Variants in APPBP2 observed in about 807,000 individuals in gnomAD.
APPBP2 encodes amyloid beta precursor protein binding protein 2.
In APPBP2, 15 loss-of-function variants were observed where a neutral mutation model predicts 76.0. That is an observed-to-expected ratio of 0.20 (90% CI 0.13 to 0.30). APPBP2 has a LOEUF of 0.30. APPBP2 is among the 10% of genes least tolerant of loss of function. The pLI is 1.00. For synonymous variants in APPBP2, 222 were observed against 242.2 expected (o/e 0.92, Z 0.77); for missense variants, 401 against 687.2 (o/e 0.58, Z 4.66).
chr17:60,480,950 A>T (rs567059255), intron 3 of APPBP2, among the ~76,000 whole-genome samples: 2 of 152,254 alleles, frequency 1.3e-5, no homozygotes, highest in Non-Finnish European at 2.9e-5. Context: ...GTGGTAGTTC[A>T]TTCCATTAAA....
At chr17:60,475,648 TACACAC>T (rs72415327) in intron 4 of APPBP2, among the ~76,000 whole-genome samples, 1,708 of 129,236 alleles carry the variant, frequency 0.013, 17 homozygotes, top group African/African-American at 0.035. Flanking sequence ...CAACTCTTTA[TACACAC>T]ACACACACAC....
chr17:60,466,938 TAGC>T (rs1280541998), intron 4 of APPBP2, among the ~76,000 whole-genome samples: 1 of 152,196 alleles, frequency 6.6e-6, no homozygotes, highest in Non-Finnish European at 1.5e-5. Context: ...TTACCGAAAA[TAGC>T]AGTAGTGTCA....
At chr17:60,462,705 CT>C (rs1366640495) in intron 6 of APPBP2, 6 of 152,162 alleles carry the variant, frequency 3.9e-5, no homozygotes, top group African/African-American at 7.2e-5. Context: ...AATCCCAGCA[CT>C]TTGGGAGGCC....
intron 3 of APPBP2, among the ~76,000 whole-genome samples, chr17:60,483,890 T>G (rs2090651409): frequency 6.6e-6 from 1 of 152,176 alleles, no homozygotes; most frequent in Non-Finnish European, 1.5e-5. Flanking sequence ...TTAATCCATC[T>G]TGAATTAATT....
rs1233004283 is a variant in APPBP2, at chr17:60,446,416, C to G, written c.*1165G>C. On this transcript the variant is annotated 3_prime_UTR_variant, in exon 13 of 13. Coordinates refer to ENST00000083182, the MANE Select transcript of APPBP2 (RefSeq NM_006380.5). ...ATCTTTCCATTTGACTCCTAGATTT[C>G]AAATGAAATGACCTAGTTGTATTAC... is the stretch of plus-strand genomic sequence containing the variant. 6.6e-6 allele frequency: 1 copy of G among 152,164 alleles called. No homozygotes were observed. Among genetic ancestry groups the G allele is most frequent in the African/African-American group, 2.4e-5 (1 of 41,436 alleles). 9.4% of individuals were successfully genotyped at this position (152,164 alleles called of 1,614,324 possible).
At chr17:60,487,935 T>C (rs938087834) in intron 3 of APPBP2, among the ~76,000 whole-genome samples, 1 of 152,252 alleles carries the variant, frequency 6.6e-6, no homozygotes, top group Non-Finnish European at 1.5e-5. Context: ...TTGTTAGTTT[T>C]CCTTGTAACA....
intron 8 of APPBP2, 78 bp downstream of exon 8, chr17:60,461,732 T>G: frequency 9.8e-7 from 1 of 1,020,416 alleles, no homozygotes; most frequent in East Asian, 2.4e-5. Flanking sequence ...ATTTTTAGAG[T>G]GGTTTATACA....
At position 60,525,951 on chromosome 17, in the gene APPBP2, GCCT is replaced by G; in HGVS notation, c.-23_-21del. ...CGCCATCTTCCTTCCCTCCTCCTCC[GCCT>G]CCTCCGCCTCCTCCTCCCGAAGGCC... On this transcript the variant is annotated 5_prime_UTR_variant, in exon 1 of 13. Coordinates refer to ENST00000083182, the MANE Select transcript of APPBP2 (RefSeq NM_006380.5). 2 of 1,558,418 alleles carry G rather than the reference GCCT, an allele frequency of 1.3e-6. No homozygotes were observed. The highest frequency in any genetic ancestry group is 1.7e-6 in the Non-Finnish European group (2 of 1,149,364).
chr17:60,509,357 C>T (rs2090893312), intron 1 of APPBP2, among the ~76,000 whole-genome samples: 2 of 149,606 alleles, frequency 1.3e-5, no homozygotes, highest in South Asian at 4.2e-4. Context: ...CCAACCTGGG[C>T]GACAGAGCGA....
At chr17:60,489,488 G>A (rs1230971238) in intron 3 of APPBP2, among the ~76,000 whole-genome samples, 2 of 150,992 alleles carry the variant, frequency 1.3e-5, no homozygotes, top group Admixed American at 1.3e-4. Flanking sequence ...GCGCATGCCT[G>A]TAGTCCCAGC....
intron 4 of APPBP2, among the ~76,000 whole-genome samples, chr17:60,478,184 T>G (rs1373176275): frequency 6.6e-6 from 1 of 152,156 alleles, no homozygotes; most frequent in African/African-American, 2.4e-5. Flanking sequence ...ATAAAGAATT[T>G]CTGCTGTTTA....
chr17:60,462,339 C>T (rs1018537940), intron 6 of APPBP2: 8 of 303,922 alleles, frequency 2.6e-5, no homozygotes, highest in Non-Finnish European at 4.2e-5. Context: ...AGCTGGTATA[C>T]CCCCATTTTC....
chr17:60,515,207 C>T (rs976713152), intron 1 of APPBP2, among the ~76,000 whole-genome samples: 27 of 151,494 alleles, frequency 1.8e-4, no homozygotes, highest in Admixed American at 1.3e-4. Context: ...CCTCCACCTC[C>T]TGGGTTCAAG....
At chr17:60,468,330 A>T (rs964894166) in intron 4 of APPBP2, 1 of 152,210 alleles carries the variant, frequency 6.6e-6, no homozygotes, top group Non-Finnish European at 1.5e-5. Context: ...TCCTTGAGAA[A>T]AAAAGGATTA....
intron 3 of APPBP2, among the ~76,000 whole-genome samples, chr17:60,494,050 T>A (rs772177404): frequency 2.6e-5 from 4 of 152,182 alleles, no homozygotes; most frequent in Non-Finnish European, 5.9e-5. Flanking sequence ...ATGGGAAAAC[T>A]GAGGCTCCGA....
intron 3 of APPBP2, among the ~76,000 whole-genome samples, chr17:60,484,509 T>G (rs2090657090): frequency 6.6e-6 from 1 of 152,182 alleles, no homozygotes; most frequent in Non-Finnish European, 1.5e-5. Flanking sequence ...GGGAGTTCAC[T>G]CATAATTTGG....
intron 5 of APPBP2, among the ~76,000 whole-genome samples, chr17:60,466,023 T>G (rs116058818): frequency 6.6e-6 from 1 of 151,948 alleles, no homozygotes; most frequent in Admixed American, 6.6e-5. Context: ...AGAGGCAGGG[T>G]CTCTCTCACT....
At position 60,443,765 on chromosome 17, in the gene APPBP2, C is replaced by T. The variant is rs2090321984; in HGVS notation, c.*3816G>A. The T allele has an allele frequency of 1.3e-5, 2 of 152,528 alleles. No homozygotes were observed. Among genetic ancestry groups the T allele is most frequent in the Non-Finnish European group, 2.9e-5 (2 of 68,030 alleles). 9.4% of individuals were successfully genotyped at this position (152,528 alleles called of 1,614,324 possible). On this transcript the variant is annotated 3_prime_UTR_variant, in exon 13 of 13. Transcript: ENST00000083182. ...ATTTTACTCTTGAAAAACATGTGCA[C>T]TTCAACAAACTCACTAAGGCCACTC...
chr17:60,508,871 A>G (rs9890908), intron 1 of APPBP2, among the ~76,000 whole-genome samples: 2,692 of 152,308 alleles, frequency 0.018, 84 homozygotes, highest in African/African-American at 0.062. Context: ...GGGGAGATGA[A>G]AATGCTGTAT....
Sources: gnomAD v4.1 joint callset for allele counts (sites outside exome capture counted in the v4.1 genomes callset) on GRCh38, gnomAD v4.1.1 for gene constraint, MANE v1.5 for transcripts, NCBI Gene and HGNC (gene_info 2026-07-23, HGNC 2026-07-21) for gene names.